The following IQCJ variants were observed in gnomAD, a reference collection of about 807,000 sequenced individuals.
The protein encoded by IQCJ is IQ motif containing J.
In IQCJ, 9 loss-of-function variants were observed where a neutral mutation model predicts 11.0. That is an observed-to-expected ratio of 0.82 (90% CI 0.49 to 1.43). The LOEUF is 1.43. Among genes scored for constraint, IQCJ ranks in the 40% most tolerant of loss-of-function variants. IQCJ has a pLI of 0.00. For synonymous variants in IQCJ, 55 were observed against 51.3 expected (o/e 1.07, Z -0.31); for missense variants, 146 against 133.2 (o/e 1.10, Z -0.47).
At chr3:159,120,747 C>T (rs1416869899) in intron 1 of IQCJ, among the ~76,000 whole-genome samples, 2 of 152,086 alleles carry the variant, frequency 1.3e-5, no homozygotes, top group African/African-American at 4.8e-5. Context: ...CAAAAACTCA[C>T]CTAAAGTGGC....
chr3:159,248,991 G>A (rs1462093006), intron 2 of IQCJ, among the ~76,000 whole-genome samples: 18 of 151,812 alleles, frequency 1.2e-4, no homozygotes, highest in Admixed American at 1.2e-3. Flanking sequence ...TTAGTTGCTG[G>A]GATTATAGGT....
chr3:159,080,812 T>C (rs1407042101), intron 1 of IQCJ, among the ~76,000 whole-genome samples: 1 of 152,132 alleles, frequency 6.6e-6, no homozygotes, highest in African/African-American at 2.4e-5. Flanking sequence ...TTCGGGAGTC[T>C]GTGTTCTTTA....
chr3:159,112,826 G>T (rs959778657), intron 1 of IQCJ, among the ~76,000 whole-genome samples: 1 of 152,254 alleles, frequency 6.6e-6, no homozygotes, highest in Middle Eastern at 3.4e-3. Flanking sequence ...TAGTTTCTTT[G>T]AGTGGGACCA....
intron 1 of IQCJ, among the ~76,000 whole-genome samples, chr3:159,143,010 A>G (rs1720715363): frequency 1.3e-5 from 2 of 152,236 alleles, no homozygotes; most frequent in Non-Finnish European, 2.9e-5. Flanking sequence ...CTGTGAAAAC[A>G]CAAAATCCAG....
chr3:159,075,778 A>G (rs1715873590), intron 1 of IQCJ, among the ~76,000 whole-genome samples: 1 of 152,172 alleles, frequency 6.6e-6, no homozygotes, highest in Admixed American at 6.5e-5. Context: ...TGAATGAGGC[A>G]GGCACTGTTG....
chr3:159,194,269 T>C (rs1723852811), intron 1 of IQCJ, among the ~76,000 whole-genome samples: 1 of 152,206 alleles, frequency 6.6e-6, no homozygotes, highest in Non-Finnish European at 1.5e-5. Context: ...TAATTTCTCT[T>C]GATTACTTGG....
At chr3:159,083,312 C>T (rs1716463191) in intron 1 of IQCJ, among the ~76,000 whole-genome samples, 1 of 152,082 alleles carries the variant, frequency 6.6e-6, no homozygotes, top group Non-Finnish European at 1.5e-5. Flanking sequence ...CATATACATA[C>T]ATTTCACTTG....
intron 1 of IQCJ, among the ~76,000 whole-genome samples, chr3:159,119,337 C>G (rs554302086): frequency 1.3e-5 from 2 of 152,250 alleles, no homozygotes; most frequent in South Asian, 4.2e-4. Context: ...TGTGCATTGC[C>G]ATCTTCAGTC....
intron 1 of IQCJ, among the ~76,000 whole-genome samples, chr3:159,192,230 T>G (rs1181005145): frequency 6.6e-6 from 1 of 152,330 alleles, no homozygotes; most frequent in South Asian, 2.1e-4. Flanking sequence ...TTAAATGTTA[T>G]TGATAATTTA....
chr3:159,208,784 G>A (rs937428635), intron 1 of IQCJ, among the ~76,000 whole-genome samples: 2 of 152,194 alleles, frequency 1.3e-5, no homozygotes, highest in Admixed American at 6.5e-5. Flanking sequence ...CATAATTGAG[G>A]ATCTCAAGAT....
chr3:159,242,528 A>G (rs1726985984), intron 1 of IQCJ, among the ~76,000 whole-genome samples: 2 of 151,822 alleles, frequency 1.3e-5, no homozygotes, highest in Admixed American at 1.3e-4. Context: ...GGCAGGAAGA[A>G]GAAGGAAGAC....
At chr3:159,191,306 A>T (rs924418181) in intron 1 of IQCJ, among the ~76,000 whole-genome samples, 1 of 152,158 alleles carries the variant, frequency 6.6e-6, no homozygotes, top group Non-Finnish European at 1.5e-5. Flanking sequence ...TAAGATGATG[A>T]AGATGAGGAG....
intron 3 of IQCJ, among the ~76,000 whole-genome samples, chr3:159,257,104 C>T (rs1004688085): frequency 6.6e-6 from 1 of 152,190 alleles, no homozygotes; most frequent in Non-Finnish European, 1.5e-5. Flanking sequence ...TGAGCTATTT[C>T]TGGGATGCAA....
intron 1 of IQCJ, among the ~76,000 whole-genome samples, chr3:159,090,495 C>T (rs1178695452): frequency 1.3e-5 from 2 of 151,714 alleles, no homozygotes; most frequent in African/African-American, 4.9e-5. Flanking sequence ...GCACATCGTC[C>T]GTAGAGTTGG....
In IQCJ at chr3:159,252,823, G is replaced by A. The variant is rs183681522; in HGVS notation, c.155+16G>A. 13 of 1,602,536 alleles carry A rather than the reference G, an allele frequency of 8.1e-6. No homozygotes were observed. The Admixed American group carries it at 2.2e-4, about 28-fold the overall frequency. On this transcript the variant is annotated intron_variant, in intron 3 of 3. Coordinates refer to ENST00000397832, the MANE Select transcript of IQCJ (RefSeq NM_001042706.3). Reference sequence around the variant, plus strand: ...AGGTGAAAATGTAAGTTATTTCAAAGTATAAATTAAGCAATTAGTTCTAGT... The same window carrying A: ...AGGTGAAAATGTAAGTTATTTCAAAATATAAATTAAGCAATTAGTTCTAGT...
At position 159,214,570 on chromosome 3, in the gene IQCJ, C is replaced by T. The variant is rs1403490481; in HGVS notation, c.10-31273C>T. 2.0e-5 allele frequency among the ~76,000 whole-genome samples: 3 copies of T among 152,210 alleles called. No homozygotes were observed. The East Asian group carries it at 5.8e-4, about 29-fold the overall frequency. On this transcript the variant is annotated intron_variant, in intron 1 of 3. Transcript: ENST00000397832. ...TTTAGATCCCTGTCTTTCAATGACT[C>T]AATTTCTACATGTGGCCCAGGGCAG... is the stretch of plus-strand genomic sequence containing the variant.
intron 1 of IQCJ, among the ~76,000 whole-genome samples, chr3:159,180,425 AC>A (rs1482373786): frequency 6.6e-6 from 1 of 152,092 alleles, no homozygotes; most frequent in Non-Finnish European, 1.5e-5. Context: ...TCTTAGAAAC[AC>A]TAAAAAGCAA....
intron 1 of IQCJ, among the ~76,000 whole-genome samples, chr3:159,228,633 T>C (rs1462183740): frequency 2.6e-5 from 4 of 151,936 alleles, no homozygotes; most frequent in African/African-American, 7.2e-5. Flanking sequence ...CTACTAAAAA[T>C]ACAAAAAATT....
At position 159,095,367 on chromosome 3, in the gene IQCJ, TA is replaced by T. The variant is rs1350466455; in HGVS notation, c.9+25927del. Among the ~76,000 whole-genome samples, 9 of 151,482 alleles carry T rather than the reference TA, an allele frequency of 5.9e-5. No individual in the cohort carries two copies. The East Asian group carries it at 7.8e-4, about 13-fold the overall frequency. ...GAGGAAAATTTATTTTATTTTATTT[TA>T]TTTTTTTTATTATACTCTAAGTTTT... On this transcript the variant is annotated intron_variant, in intron 1 of 3. Transcript: ENST00000397832.
Sources: gnomAD v4.1 joint callset for allele counts (sites outside exome capture counted in the v4.1 genomes callset) on GRCh38, gnomAD v4.1.1 for gene constraint, MANE v1.5 for transcripts, NCBI Gene and HGNC (gene_info 2026-07-23, HGNC 2026-07-21) for gene names.